CRYBG1: variants seen among roughly 807,000 people sequenced by gnomAD.
The protein encoded by CRYBG1 is beta/gamma crystallin domain-containing protein 1.
A neutral mutation model predicts 189.2 loss-of-function variants in CRYBG1; 139 were observed. The ratio of observed to expected loss-of-function variants is 0.73; its 90% CI spans 0.64 to 0.85. The LOEUF is 0.85. Ranked by LOEUF, CRYBG1 falls within the 40% of genes least tolerant of loss-of-function variation. The pLI is 0.00. For missense variants in CRYBG1, 2,611 were observed against 2,675.8 expected (o/e 0.98, Z 0.53); for synonymous variants, 1,023 against 1,017.1 (o/e 1.01, Z -0.11).
At chr6:106,503,126 C>T (rs1773044273) in intron 2 of CRYBG1, among the ~76,000 whole-genome samples, 1 of 152,160 alleles carries the variant, frequency 6.6e-6, no homozygotes. Context: ...CTGGTCACAC[C>T]CAGCCACACC....
At chr6:106,502,744 A>G (rs1773035446) in intron 2 of CRYBG1, among the ~76,000 whole-genome samples, 2 of 152,180 alleles carry the variant, frequency 1.3e-5, no homozygotes, top group Non-Finnish European at 2.9e-5. Context: ...TAGCACACTC[A>G]AGTTGTGTAA....
At chr6:106,500,128 A>C (rs1201501667) in intron 2 of CRYBG1, among the ~76,000 whole-genome samples, 2 of 152,228 alleles carry the variant, frequency 1.3e-5, no homozygotes, top group East Asian at 3.8e-4. Context: ...TGCAATGAAC[A>C]CAGGGGGCCA....
chr6:106,553,265 C>A (rs1451037635), intron 15 of CRYBG1, among the ~76,000 whole-genome samples, 190 bp from the exon 16 acceptor site: 2 of 152,108 alleles, frequency 1.3e-5, no homozygotes, highest in Non-Finnish European at 2.9e-5. Flanking sequence ...TAAATAGTCA[C>A]GAATGGCGCA....
intron 2 of CRYBG1, among the ~76,000 whole-genome samples, chr6:106,499,020 G>A (rs1772921900): frequency 6.6e-6 from 1 of 151,810 alleles, no homozygotes; most frequent in African/African-American, 2.4e-5. Context: ...ATGATATTTT[G>A]GGATGAAAAA....
intron 11 of CRYBG1, 115 bp from the exon 12 acceptor site, chr6:106,544,456 A>G: frequency 1.6e-6 from 2 of 1,215,676 alleles, no homozygotes; most frequent in South Asian, 1.5e-5. Flanking sequence ...ATAATAAAGC[A>G]GAAGGTCATG....
intron 1 of CRYBG1, among the ~76,000 whole-genome samples, chr6:106,370,010 T>C (rs1263433149): frequency 1.3e-5 from 2 of 152,230 alleles, no homozygotes; most frequent in Non-Finnish European, 2.9e-5. Flanking sequence ...TGGTGCTTTC[T>C]TTATATTCTT....
chr6:106,496,996 C>T (rs560351359), intron 2 of CRYBG1, among the ~76,000 whole-genome samples: 1 of 152,260 alleles, frequency 6.6e-6, no homozygotes, highest in Non-Finnish European at 1.5e-5. Context: ...AGGCACAAGC[C>T]AAGGCAGAGA....
chr6:106,376,631 T>C (rs141341243), intron 1 of CRYBG1, among the ~76,000 whole-genome samples: 1 of 152,290 alleles, frequency 6.6e-6, no homozygotes, highest in African/African-American at 2.4e-5. Context: ...TCCCCTTGCC[T>C]TTATGCTTAG....
At chr6:106,395,834 C>T (rs1407295785) in intron 1 of CRYBG1, among the ~76,000 whole-genome samples, 1 of 152,110 alleles carries the variant, frequency 6.6e-6, no homozygotes, top group East Asian at 1.9e-4. Context: ...CTAAATCACT[C>T]TTTGGCATTT....
chr6:106,561,419 G>A lies in CRYBG1; in HGVS notation c.6057G>A (p.Lys2019=). The A allele has an allele frequency of 6.2e-7, 1 of 1,614,158 alleles. No individual in the cohort carries two copies. Among genetic ancestry groups the A allele is most frequent in the Non-Finnish European group, 8.5e-7 (1 of 1,180,002 alleles). Residue 2019 remains lysine, a synonymous_variant, in exon 20 of 22, where the codon AAG becomes AAA. Transcript: ENST00000633556. ...CCAATGGAAACTTAGAGGATCTGAA[G>A]CTTCTGAGGATACAGGTCATGGAGG... The part of the protein sequence containing the change: ...MSTNGNLEDL[K]LLRIQVMEDV...
At chr6:106,468,887 T>G (rs1250465086) in intron 2 of CRYBG1, among the ~76,000 whole-genome samples, 1 of 152,244 alleles carries the variant, frequency 6.6e-6, no homozygotes, top group Non-Finnish European at 1.5e-5. Context: ...CCCCTTCTTT[T>G]GTATTCTTAC....
At chr6:106,564,167 A>AAACAACAAC (rs151038275) in intron 21 of CRYBG1, among the ~76,000 whole-genome samples, 1 of 151,846 alleles carries the variant, frequency 6.6e-6, no homozygotes, top group Admixed American at 6.6e-5. Flanking sequence ...TTTACAGACA[A>AAACAACAAC]AACAACAACA....
chr6:106,420,791 C>T (rs1771108754), intron 1 of CRYBG1: 1 of 152,814 alleles, frequency 6.5e-6, no homozygotes, highest in East Asian at 1.9e-4. Flanking sequence ...CCTACTGCTT[C>T]ACTTGACTTG....
At chr6:106,454,350 C>A (rs2114442493) in intron 2 of CRYBG1, among the ~76,000 whole-genome samples, 1 of 152,236 alleles carries the variant, frequency 6.6e-6, no homozygotes, top group Non-Finnish European at 1.5e-5. Flanking sequence ...AGTGCAAGAC[C>A]CCACCTACCC....
chr6:106,537,937 A>G (rs987970202), intron 8 of CRYBG1, among the ~76,000 whole-genome samples: 7 of 152,350 alleles, frequency 4.6e-5, no homozygotes, highest in Admixed American at 3.3e-4. Flanking sequence ...AATCTTCACA[A>G]AAACCACCGC....
intron 1 of CRYBG1, among the ~76,000 whole-genome samples, chr6:106,433,772 T>TATATATAC (rs1771395977): frequency 3.0e-5 from 1 of 32,806 alleles, no homozygotes; most frequent in African/African-American, 1.4e-4. Context: ...TATATATATA[T>TATATATAC]GTATATATAT....
At chr6:106,382,086 C>T (rs1315696980) in intron 1 of CRYBG1, among the ~76,000 whole-genome samples, 1 of 152,188 alleles carries the variant, frequency 6.6e-6, no homozygotes, top group Non-Finnish European at 1.5e-5. Context: ...TAAACAAAGG[C>T]ATGCAACAGC....
At chr6:106,562,140 C>A (rs1360647059) in intron 20 of CRYBG1, among the ~76,000 whole-genome samples, 1 of 151,638 alleles carries the variant, frequency 6.6e-6, no homozygotes, top group East Asian at 1.9e-4. Context: ...AACAAAAAAC[C>A]AAAAAAAACC....
chr6:106,444,006 T>G (rs1483524386), intron 1 of CRYBG1, among the ~76,000 whole-genome samples: 1 of 152,216 alleles, frequency 6.6e-6, no homozygotes, highest in Non-Finnish European at 1.5e-5. Flanking sequence ...ATAACCATAT[T>G]CTGCCAGGCT....
Sources: allele counts gnomAD v4.1 joint callset (sites outside exome capture counted in the v4.1 genomes callset), GRCh38; gene constraint gnomAD v4.1.1; transcripts MANE v1.5; gene names NCBI Gene and HGNC (gene_info 2026-07-23, HGNC 2026-07-21).